PSD3: variants seen among roughly 807,000 people sequenced by gnomAD.
The protein encoded by PSD3 is pleckstrin and Sec7 domain containing 3.
A neutral mutation model predicts 105.5 loss-of-function variants in PSD3; 49 were observed. That is an observed-to-expected ratio of 0.46 (90% CI 0.37 to 0.59). The LOEUF is 0.59. PSD3 is among the 20% of genes least tolerant of loss of function. The probability of loss-of-function intolerance (pLI) is 0.00; values close to 1 mark genes in which losing one functional copy is unlikely to be tolerated. For synonymous variants in PSD3, 557 were observed against 457.8 expected (o/e 1.22, Z -2.77); for missense variants, 1,561 against 1,263.8 (o/e 1.24, Z -3.57).
chr8:18,703,183 C>G (rs993697925), intron 9 of PSD3, among the ~76,000 whole-genome samples: 1 of 152,102 alleles, frequency 6.6e-6, no homozygotes, highest in East Asian at 1.9e-4. Context: ...GCCACTGCCT[C>G]GTCACGAGGG....
intron 9 of PSD3, among the ~76,000 whole-genome samples, chr8:18,670,266 G>A (rs1426216100): frequency 3.3e-5 from 5 of 152,164 alleles, no homozygotes; most frequent in South Asian, 4.1e-4. Flanking sequence ...GGGCTGGTGC[G>A]GCTGGAGCAA....
intron 10 of PSD3, among the ~76,000 whole-genome samples, chr8:18,649,918 C>T (rs930954096): frequency 2.0e-5 from 3 of 152,300 alleles, no homozygotes; most frequent in Admixed American, 6.5e-5. Context: ...CTGAGGCTTC[C>T]CCAGAAGCTG....
chr8:18,990,690 T>A (rs1218104945), intron 1 of PSD3, among the ~76,000 whole-genome samples: 2 of 152,202 alleles, frequency 1.3e-5, no homozygotes, highest in East Asian at 1.9e-4. Context: ...TTAATTGAAA[T>A]TTTTTAAAAC....
At position 18,940,824 on chromosome 8, in the gene PSD3, C is replaced by T. The variant is rs79420441; in HGVS notation, c.22-4682G>A. On this transcript the variant is annotated intron_variant, in intron 1 of 15. Transcript: ENST00000327040. ...GGGTATAATGGCATGGAGATCTATC[C>T]GTCTTGCAGTTGCCAAAAACCACGC... Among the ~76,000 whole-genome samples, 1,058 of 152,216 alleles carry T rather than the reference C, an allele frequency of 7.0e-3. 15 individuals carry two copies. The highest frequency in any genetic ancestry group is 0.024 in the African/African-American group (986 of 41,530).
intron 11 of PSD3, among the ~76,000 whole-genome samples, chr8:18,606,540 T>A (rs779806311): frequency 6.6e-6 from 1 of 152,184 alleles, no homozygotes; most frequent in African/African-American, 2.4e-5. Flanking sequence ...TTGCAAAAAA[T>A]AGATTCTCTA....
intron 11 of PSD3, among the ~76,000 whole-genome samples, chr8:18,619,514 G>C (rs1195023899): frequency 1.3e-5 from 2 of 151,916 alleles, no homozygotes; most frequent in African/African-American, 2.4e-5. Context: ...GTGGTGGTGC[G>C]TGCCTGTAAT....
At chr8:18,712,338 C>T (rs114360180) in intron 9 of PSD3, among the ~76,000 whole-genome samples, 3,054 of 151,728 alleles carry the variant, frequency 0.02, 81 homozygotes, top group African/African-American at 0.068. Context: ...TCAATGAATC[C>T]CAGAGCTGGT....
chr8:18,561,654 G>T (rs970801079), intron 14 of PSD3, among the ~76,000 whole-genome samples: 2 of 151,780 alleles, frequency 1.3e-5, no homozygotes, highest in Non-Finnish European at 2.9e-5. Flanking sequence ...AATTATACCT[G>T]GAAATACATA....
rs539306249 is a variant in PSD3, at chr8:18,577,956, T to C, written c.2482-2671A>G. On this transcript the variant is annotated intron_variant, in intron 12 of 15. Coordinates refer to ENST00000327040, the MANE Select transcript of PSD3 (RefSeq NM_015310.4). ...TATTTTCTTTAGGTAGGTGGTATAC[T>C]GTTTTATTCTTATCCTCAAGTATCT... 2.0e-5 allele frequency among the ~76,000 whole-genome samples: 3 copies of C among 152,206 alleles called. No individual in the cohort carries two copies. In the South Asian group the frequency reaches 6.2e-4, roughly 32 times the overall value.
At chr8:18,921,896 G>T (rs986763540) in intron 2 of PSD3, among the ~76,000 whole-genome samples, 1 of 152,134 alleles carries the variant, frequency 6.6e-6, no homozygotes, top group Non-Finnish European at 1.5e-5. Context: ...CAATGCCAAG[G>T]CACACTCAGT....
At chr8:18,635,022 T>C (rs1274143837) in intron 10 of PSD3, among the ~76,000 whole-genome samples, 1 of 152,214 alleles carries the variant, frequency 6.6e-6, no homozygotes, top group Non-Finnish European at 1.5e-5. Flanking sequence ...TTAATTGAAA[T>C]TCTTCTGTAA....
In PSD3 at chr8:18,604,148, GT is replaced by G. The variant is rs535138616; in HGVS notation, c.2411-3715del. On this transcript the variant is annotated intron_variant, in intron 11 of 15. Coordinates refer to ENST00000327040, the MANE Select transcript of PSD3 (RefSeq NM_015310.4). ...GAATAATACAGGAAGATGACTGAAA[GT>G]TTGGAAATTCCCAGAGACTGGATGA... Among the ~76,000 whole-genome samples, 24 of 152,304 alleles carry G rather than the reference GT, an allele frequency of 1.6e-4. No individual in the cohort carries two copies. In the South Asian group the frequency reaches 5.0e-3, roughly 32 times the overall value.
intron 9 of PSD3, among the ~76,000 whole-genome samples, chr8:18,758,537 T>C (rs1050598003): frequency 2.0e-5 from 3 of 152,086 alleles, no homozygotes; most frequent in Non-Finnish European, 4.4e-5. Context: ...GGCTGATTCA[T>C]CTGTTGTTCT....
At chr8:18,818,290 GT>G (rs1812394030) in intron 4 of PSD3, among the ~76,000 whole-genome samples, 2 of 152,060 alleles carry the variant, frequency 1.3e-5, no homozygotes, top group Admixed American at 1.3e-4. Flanking sequence ...ATTGTTGTCA[GT>G]TTCTACGCTT....
At chr8:18,585,961 C>G (rs548266830) in intron 12 of PSD3, among the ~76,000 whole-genome samples, 132 of 152,068 alleles carry the variant, frequency 8.7e-4, no homozygotes, top group Admixed American at 1.8e-3. Context: ...TTTGGAAGAG[C>G]CTTTTAATGC....
chr8:19,060,249 T>G (rs911695193), intron 1 of PSD3, among the ~76,000 whole-genome samples: 1 of 152,136 alleles, frequency 6.6e-6, no homozygotes, highest in Non-Finnish European at 1.5e-5. Context: ...AAAAAAAACT[T>G]TAAAAATGAA....
At chr8:18,706,573 C>T (rs1801913694) in intron 9 of PSD3, among the ~76,000 whole-genome samples, 1 of 152,206 alleles carries the variant, frequency 6.6e-6, no homozygotes, top group Non-Finnish European at 1.5e-5. Context: ...TGGTGCCCAT[C>T]CATGCACAAT....
intron 9 of PSD3, among the ~76,000 whole-genome samples, chr8:18,723,939 G>A (rs977115168): frequency 1.3e-5 from 2 of 152,076 alleles, no homozygotes; most frequent in Non-Finnish European, 2.9e-5. Flanking sequence ...CATACACAAT[G>A]GAATACCTAA....
intron 4 of PSD3, among the ~76,000 whole-genome samples, chr8:18,833,351 G>T (rs1813833262): frequency 6.6e-6 from 1 of 152,212 alleles, no homozygotes; most frequent in African/African-American, 2.4e-5. Flanking sequence ...GGCTCACACT[G>T]ACAGCACCAT....
Sources: allele counts gnomAD v4.1 joint callset (sites outside exome capture counted in the v4.1 genomes callset), GRCh38; gene constraint gnomAD v4.1.1; transcripts MANE v1.5; gene names NCBI Gene and HGNC (gene_info 2026-07-23, HGNC 2026-07-21).